POLD1: variants seen among roughly 807,000 people sequenced by gnomAD.
POLD1 encodes the protein DNA polymerase delta 1, catalytic subunit.
In POLD1, 79 loss-of-function variants were observed where a neutral mutation model predicts 129.7. The observed-to-expected ratio is 0.61, with a 90% confidence interval of 0.51 to 0.73. The LOEUF is 0.73. Ranked by LOEUF, POLD1 falls within the 30% of genes least tolerant of loss-of-function variation. POLD1 has a pLI of 0.00. For missense variants in POLD1, 1,338 were observed against 1,595.8 expected, an observed-to-expected ratio of 0.84 and a Z score of 2.75; for synonymous variants, 714 against 683.3, an observed-to-expected ratio of 1.04 and a Z score of -0.70.
intron 1 of POLD1, among the ~76,000 whole-genome samples, chr19:50,395,699 T>C (rs1455506963): frequency 1.3e-5 from 2 of 152,154 alleles, no homozygotes; most frequent in Non-Finnish European, 2.9e-5. Context: ...CCCTTCTCTC[T>C]GTATACGTAC....
rs770575329 is a variant in POLD1, at chr19:50,414,805, TC to T, written c.2389-7del. On this transcript the variant is annotated splice_polypyrimidine_tract_variant and intron_variant, in intron 19 of 26. Transcript: ENST00000440232. ...TCAGGCTCAGGGTCTTGGCCATGGC[TC>T]CCTCCCAGGTCTACTTCCCATACCT... is the stretch of plus-strand genomic sequence containing the variant. 6.6e-7 allele frequency: 1 copy of T among 1,519,334 alleles called. No individual in the cohort carries two copies. Among genetic ancestry groups the T allele is most frequent in the Non-Finnish European group, 8.9e-7 (1 of 1,125,998 alleles). The allele number at this position is 1,519,334 out of a possible 1,614,324, so 94.1% of individuals were successfully genotyped here. A position where few individuals can be genotyped will look rare whatever the true frequency, so the allele number is the denominator to read the frequency against.
At chr19:50,408,548 T>A (rs1399770622) in intron 14 of POLD1, among the ~76,000 whole-genome samples, 1 of 151,610 alleles carries the variant, frequency 6.6e-6, no homozygotes, top group Non-Finnish European at 1.5e-5. Flanking sequence ...ACCTGGCTAA[T>A]TTTTAAAATT....
intron 3 of POLD1, among the ~76,000 whole-genome samples, chr19:50,400,586 G>A (rs2038561712): frequency 7.0e-6 from 1 of 142,958 alleles, no homozygotes. Context: ...AGGCTGGAGA[G>A]CAGTGGCACA....
At position 50,415,595 on chromosome 19, in the gene POLD1, T is replaced by TG; in HGVS notation, c.2717+6dup. On this transcript the variant is annotated splice_donor_region_variant and intron_variant, in intron 21 of 26. Transcript: ENST00000440232. ...CCACGTGGAGCTGGCCGAGAGGTCC[T>TG]GCGCGGGGCGGGTGGCCTGGCCAGA... 6.2e-7 allele frequency: 1 copy of TG among 1,609,118 alleles called. No individual in the cohort carries two copies. Among genetic ancestry groups the TG allele is most frequent in the East Asian group, 2.2e-5 (1 of 44,744 alleles).
intron 22 of POLD1, 40 bp downstream of exon 22, chr19:50,415,866 CG>C: frequency 7.5e-7 from 1 of 1,338,174 alleles, no homozygotes; most frequent in Non-Finnish European, 1.0e-6. Flanking sequence ...CCAGCCCCCT[CG>C]CTCTCACTTC....
At chr19:50,386,758 C>T (rs1364631219) in intron 1 of POLD1, among the ~76,000 whole-genome samples, 1 of 152,190 alleles carries the variant, frequency 6.6e-6, no homozygotes, top group East Asian at 1.9e-4. Context: ...CTCTGCCATC[C>T]AGAGGTCCCT....
At chr19:50,414,693 G>A in intron 19 of POLD1, 122 bp from the exon 20 acceptor site, 1 of 752,368 alleles carries the variant, frequency 1.3e-6, no homozygotes, top group Non-Finnish European at 2.0e-6. Context: ...CAGGCTCAGG[G>A]CACGGCTCCC....
intron 14 of POLD1, 106 bp downstream of exon 14, chr19:50,407,521 AGGCCCCTGCTC>A (rs2038939645): frequency 7.6e-6 from 4 of 523,170 alleles, no homozygotes; most frequent in East Asian, 6.9e-5. Context: ...CAACATAGCG[AGGCCCCTGCTC>A]CACAAAATTT....
At position 50,402,954 on chromosome 19, in the gene POLD1, G is replaced by A. The variant is rs527753528; in HGVS notation, c.971-99G>A. ...CAGGGTGAGCCACGTAGGGCCGGCA[G>A]GCAGCGGGGACAGCCCCGGGGAGAT... On this transcript the variant is annotated intron_variant, in intron 8 of 26. Transcript: ENST00000440232. The A allele has an allele frequency of 6.2e-6, 9 of 1,459,022 alleles. No individual in the cohort carries two copies. In the African/African-American group the frequency reaches 1.1e-4, roughly 18 times the overall value. 90.4% of individuals were successfully genotyped at this position (1,459,022 alleles called of 1,614,324 possible).
At chr19:50,401,729 T>G in intron 3 of POLD1, 49 bp from the exon 4 acceptor site, 1 of 1,602,196 alleles carries the variant, frequency 6.2e-7, no homozygotes, top group South Asian at 1.1e-5. Context: ...AGACACACCT[T>G]GGAGGACCCT....
At position 50,413,832 on chromosome 19, in the gene POLD1, T is replaced by A; in HGVS notation, c.2341T>A (p.Trp781Arg). The change falls in exon 19 of 27, where the codon TGG becomes AGG. Residue 781 changes from tryptophan (W) to arginine (R), a missense_variant. Physicochemically the swap from Trp to Arg is moderately radical, Grantham distance 101. Around this residue, in one of 3 missense-constraint regions of POLD1, gnomAD observed 720 missense variants for 1,002.6 expected, o/e 0.72. Coordinates refer to ENST00000440232, the MANE Select transcript of POLD1 (RefSeq NM_002691.4). ...GGCCCTGGGGCGGGAGGCCGCGGAC[T>A]GGGTGTCAGGTCACTTCCCGTCGCC... ...AMALGREAAD[W>R]VSGHFPSPIR... 1 of 1,612,170 alleles carries A rather than the reference T, an allele frequency of 6.2e-7. No individual in the cohort carries two copies. The highest frequency in any genetic ancestry group is 1.3e-5 in the African/African-American group (1 of 75,008).
At chr19:50,405,563 T>C (rs893529825) in intron 10 of POLD1, among the ~76,000 whole-genome samples, 8 of 152,112 alleles carry the variant, frequency 5.3e-5, no homozygotes, top group African/African-American at 1.9e-4. Flanking sequence ...ACCCTGCCTC[T>C]ATTAAAGAGA....
chr19:50,400,554 A>T (rs2038559785), intron 3 of POLD1, among the ~76,000 whole-genome samples: 2 of 74,678 alleles, frequency 2.7e-5, no homozygotes, highest in African/African-American at 6.9e-5. Context: ...TTTTTTTGAG[A>T]CAGAGTCTCC....
intron 1 of POLD1, among the ~76,000 whole-genome samples, chr19:50,396,357 G>A (rs889468056): frequency 2.1e-5 from 3 of 141,264 alleles, no homozygotes; most frequent in African/African-American, 7.4e-5. Flanking sequence ...CCAAAGTGCT[G>A]GGATTACAGC....
intron 1 of POLD1, among the ~76,000 whole-genome samples, chr19:50,395,352 TCGGGAGGCCGAGG>T (rs1167445718): frequency 6.6e-6 from 1 of 151,398 alleles, no homozygotes; most frequent in Non-Finnish European, 1.5e-5. Flanking sequence ...TCCCAGCACT[TCGGGAGGCCGAGG>T]CGGGCGGATC....
intron 8 of POLD1, 48 bp from the exon 9 acceptor site, chr19:50,403,005 T>C: frequency 6.5e-7 from 1 of 1,544,290 alleles, no homozygotes; most frequent in Non-Finnish European, 8.8e-7. Context: ...CCTGCTGTGT[T>C]GGGAGTGAGG....
intron 13 of POLD1, 28 bp downstream of exon 13, chr19:50,407,202 CCCCCCACCAGGCACGTCTGTGG>C: frequency 6.3e-7 from 1 of 1,575,542 alleles, no homozygotes; most frequent in South Asian, 1.1e-5. Flanking sequence ...GTCCTCGCCA[CCCCCCACCAGGCACGTCTGTGG>C]CCCCCTCCAG....
chr19:50,401,738 C>G, intron 3 of POLD1, 40 bp from the exon 4 acceptor site: 3 of 1,606,856 alleles, frequency 1.9e-6, no homozygotes, highest in South Asian at 1.1e-5. Context: ...TTGGAGGACC[C>G]TGAGAGGCAT....
At chr19:50,400,281 C>A (rs1392321834) in intron 3 of POLD1, among the ~76,000 whole-genome samples, 2 of 136,138 alleles carry the variant, frequency 1.5e-5, no homozygotes, top group Non-Finnish European at 3.1e-5. Flanking sequence ...AGTGCAGTGG[C>A]ACACTCTTGG....
Sources: gnomAD v4.1 joint callset for allele counts (sites outside exome capture counted in the v4.1 genomes callset) on GRCh38, gnomAD v4.1.1 for gene constraint, gnomAD v4.1.1 regional missense constraint, MANE v1.5 for transcripts, NCBI Gene and HGNC (gene_info 2026-07-23, HGNC 2026-07-21) for gene names.